The following ST6GALNAC3 variants were observed in gnomAD, a reference collection of about 807,000 sequenced individuals.
The protein encoded by ST6GALNAC3 is alpha-N-acetylgalactosaminide alpha-2,6-sialyltransferase 3.
ST6GALNAC3 carries 25 observed loss-of-function variants against 32.7 expected under a neutral mutation model. The observed-to-expected ratio is 0.76, with a 90% CI of 0.56 to 1.07. The LOEUF is 1.07. Among genes scored for constraint, ST6GALNAC3 ranks in the 50% least tolerant of loss-of-function variants. ST6GALNAC3 has a pLI of 0.00. For synonymous variants in ST6GALNAC3, 129 were observed against 133.1 expected, an observed-to-expected ratio of 0.97 and a Z score of 0.21; for missense variants, 355 against 382.4, an observed-to-expected ratio of 0.93 and a Z score of 0.60.
At chr1:76,426,874 A>G (rs1228265781) in intron 3 of ST6GALNAC3, among the ~76,000 whole-genome samples, 1 of 152,016 alleles carries the variant, frequency 6.6e-6, no homozygotes, top group African/African-American at 2.4e-5. Flanking sequence ...ATGGTCATAT[A>G]TGCGGCTCAT....
At chr1:76,488,928 G>A (rs1205201805) in intron 3 of ST6GALNAC3, among the ~76,000 whole-genome samples, 1 of 152,170 alleles carries the variant, frequency 6.6e-6, no homozygotes, top group Non-Finnish European at 1.5e-5. Context: ...CATAGAAATT[G>A]TGTGATCATC....
Position 76,630,253 on chromosome 1 carries a change from C to T in ST6GALNAC3, c.*1447C>T. On this transcript the variant is annotated 3_prime_UTR_variant, in exon 5 of 5. Transcript: ENST00000328299. ...TATCAGGATTACACAAAAAGTATCA[C>T]AAAGGATGGTCTTGGCCATATGCTA... is the stretch of plus-strand genomic sequence containing the variant. 1.0e-6 allele frequency: 1 copy of T among 985,134 alleles called. No homozygotes were observed. The highest frequency in any genetic ancestry group is 5.2e-4 in the Middle Eastern group (1 of 1,914). 61.0% of individuals were successfully genotyped at this position (985,134 alleles called of 1,614,324 possible). A position where few individuals can be genotyped will look rare whatever the true frequency, so the allele number is the denominator to read the frequency against.
At chr1:76,169,048 G>A (rs1252590458) in intron 1 of ST6GALNAC3, among the ~76,000 whole-genome samples, 1 of 152,102 alleles carries the variant, frequency 6.6e-6, no homozygotes, top group Non-Finnish European at 1.5e-5. Flanking sequence ...TTTATAGTGT[G>A]ACTGGTCTAT....
At chr1:76,531,214 G>T (rs1019042952) in intron 3 of ST6GALNAC3, among the ~76,000 whole-genome samples, 1 of 152,154 alleles carries the variant, frequency 6.6e-6, no homozygotes, top group Non-Finnish European at 1.5e-5. Context: ...CTCTTGGGCC[G>T]CTCAGAAAAT....
intron 1 of ST6GALNAC3, among the ~76,000 whole-genome samples, chr1:76,142,241 A>G (rs1650374704): frequency 1.3e-5 from 2 of 152,210 alleles, no homozygotes; most frequent in Admixed American, 1.3e-4. Flanking sequence ...GAAGAGGCTA[A>G]GCTGTTAGAA....
intron 1 of ST6GALNAC3, among the ~76,000 whole-genome samples, chr1:76,082,204 T>C (rs1180181768): frequency 6.6e-6 from 1 of 152,214 alleles, no homozygotes; most frequent in African/African-American, 2.4e-5. Context: ...TCTTTTCTGT[T>C]TCCTGGCTTT....
intron 3 of ST6GALNAC3, among the ~76,000 whole-genome samples, chr1:76,519,029 A>G (rs2101782583): frequency 6.6e-6 from 1 of 152,264 alleles, no homozygotes; most frequent in East Asian, 1.9e-4. Context: ...TCGTGCCACG[A>G]AACTCTGTCT....
intron 1 of ST6GALNAC3, among the ~76,000 whole-genome samples, chr1:76,238,612 G>A (rs942785312): frequency 6.6e-6 from 1 of 152,140 alleles, no homozygotes; most frequent in Non-Finnish European, 1.5e-5. Flanking sequence ...TGCCTCTGTA[G>A]ACAATAGGCA....
In ST6GALNAC3 at chr1:76,302,626, C is replaced by CA. The variant is rs551968483; in HGVS notation, c.19-11179_19-11178insA. On this transcript the variant is annotated intron_variant, in intron 1 of 4. Transcript: ENST00000328299. ...ACATTTACTTAGCACTTTCCTTTTA[C>CA]CAGGCAGTGCTCTAAGGGCTTTTTA... Among the ~76,000 whole-genome samples, 5 of 152,082 alleles carry CA rather than the reference C, an allele frequency of 3.3e-5. No individual in the cohort carries two copies. In the South Asian group the frequency reaches 1.0e-3, roughly 32 times the overall value.
chr1:76,174,218 C>A (rs1343703695), intron 1 of ST6GALNAC3, among the ~76,000 whole-genome samples: 1 of 152,112 alleles, frequency 6.6e-6, no homozygotes, highest in Non-Finnish European at 1.5e-5. Context: ...AACACAGGAA[C>A]AGAAAATCAA....
At chr1:76,084,770 C>T (rs1316740181) in intron 1 of ST6GALNAC3, among the ~76,000 whole-genome samples, 1 of 143,134 alleles carries the variant, frequency 7.0e-6, no homozygotes, top group African/African-American at 2.6e-5. Context: ...CCTGCTCCAA[C>T]TCGTTGTCCT....
At chr1:76,213,509 T>C (rs544615496) in intron 1 of ST6GALNAC3, among the ~76,000 whole-genome samples, 13 of 152,338 alleles carry the variant, frequency 8.5e-5, no homozygotes, top group Admixed American at 2.0e-4. Flanking sequence ...CTTAGTATCA[T>C]TATGCTGAAA....
intron 1 of ST6GALNAC3, among the ~76,000 whole-genome samples, chr1:76,258,232 G>T (rs540502346): frequency 6.6e-5 from 10 of 152,150 alleles, no homozygotes; most frequent in African/African-American, 2.4e-4. Flanking sequence ...AAAATAAGAT[G>T]AGGTGTTAAG....
At chr1:76,338,493 G>T (rs921329911) in intron 2 of ST6GALNAC3, among the ~76,000 whole-genome samples, 3 of 152,168 alleles carry the variant, frequency 2.0e-5, no homozygotes, top group Non-Finnish European at 4.4e-5. Flanking sequence ...CTGGCCCCCT[G>T]CACTGGGGCT....
At chr1:76,211,037 T>C (rs1231947928) in intron 1 of ST6GALNAC3, among the ~76,000 whole-genome samples, 1 of 152,242 alleles carries the variant, frequency 6.6e-6, no homozygotes, top group Non-Finnish European at 1.5e-5. Flanking sequence ...CTTCCTCTTC[T>C]TATGGGGACA....
At chr1:76,249,284 C>G (rs1450229386) in intron 1 of ST6GALNAC3, among the ~76,000 whole-genome samples, 1 of 152,134 alleles carries the variant, frequency 6.6e-6, no homozygotes, top group Non-Finnish European at 1.5e-5. Flanking sequence ...AACTGCCAAT[C>G]TACTTTCTGT....
At chr1:76,559,112 T>TAAA (rs1290111048) in intron 3 of ST6GALNAC3, among the ~76,000 whole-genome samples, 2 of 152,274 alleles carry the variant, frequency 1.3e-5, no homozygotes, top group East Asian at 3.9e-4. Context: ...CTCTCTTTAC[T>TAAA]TGGAGTAATA....
intron 1 of ST6GALNAC3, among the ~76,000 whole-genome samples, chr1:76,193,317 A>G (rs1300532742): frequency 6.6e-6 from 1 of 152,118 alleles, no homozygotes; most frequent in Non-Finnish European, 1.5e-5. Context: ...AATTGTCAAA[A>G]GATTGTATAT....
intron 1 of ST6GALNAC3, among the ~76,000 whole-genome samples, chr1:76,254,093 G>A (rs545036055): frequency 1.6e-4 from 25 of 152,124 alleles, no homozygotes; most frequent in African/African-American, 2.6e-4. Context: ...TTATTTCTTC[G>A]CTTTTGCAGA....
Sources: allele counts gnomAD v4.1 joint callset (sites outside exome capture counted in the v4.1 genomes callset), GRCh38; gene constraint gnomAD v4.1.1; transcripts MANE v1.5; gene names NCBI Gene and HGNC (gene_info 2026-07-23, HGNC 2026-07-21).